Variants in ARHGAP29 observed in about 807,000 individuals in gnomAD.
ARHGAP29 encodes the protein Rho GTPase activating protein 29.
In ARHGAP29, 43 loss-of-function variants were observed where a neutral mutation model predicts 122.6. The ratio of observed to expected loss-of-function variants is 0.35; its 90% CI spans 0.27 to 0.45. ARHGAP29 has a LOEUF of 0.45. ARHGAP29 is among the 20% of genes least tolerant of loss of function. The probability of loss-of-function intolerance (pLI) is 1.00; values close to 1 mark genes in which losing one functional copy is unlikely to be tolerated. For synonymous variants in ARHGAP29, 506 were observed against 497.1 expected (o/e 1.02, Z -0.24); for missense variants, 1,303 against 1,477.2 (o/e 0.88, Z 1.93).
At chr1:94,266,460 T>G (rs897069070) in intron 1 of ARHGAP29, among the ~76,000 whole-genome samples, 9 of 152,174 alleles carry the variant, frequency 5.9e-5, no homozygotes, top group African/African-American at 1.9e-4. Context: ...AGGGACTAAT[T>G]TTTTCTGAAT....
intron 3 of ARHGAP29, among the ~76,000 whole-genome samples, chr1:94,219,919 T>A (rs1411697): frequency 0.98 from 148,669 of 152,226 alleles, 72,718 homozygotes; most frequent in Middle Eastern, 1. Context: ...ACTCTCCAAT[T>A]TCAATTTGTC....
chr1:94,235,684 ATC>A (rs776018931), intron 1 of ARHGAP29, among the ~76,000 whole-genome samples: 57 of 152,348 alleles, frequency 3.7e-4, no homozygotes, highest in South Asian at 1.0e-3. Context: ...ATTCTGGTGC[ATC>A]TCTTTCAACT....
chr1:94,192,660 C>G (rs1038206529), intron 12 of ARHGAP29: 1 of 152,086 alleles, frequency 6.6e-6, no homozygotes, highest in African/African-American at 2.4e-5. Context: ...GTGAGAGGGT[C>G]TGAAATTTCT....
At chr1:94,224,951 T>C (rs566531280) in intron 2 of ARHGAP29, among the ~76,000 whole-genome samples, 1 of 152,284 alleles carries the variant, frequency 6.6e-6, no homozygotes, top group Middle Eastern at 3.4e-3. Flanking sequence ...AGAATTCCAA[T>C]TCCTGAAATT....
chr1:94,187,594 T>C (rs1362417565), intron 15 of ARHGAP29, among the ~76,000 whole-genome samples: 3 of 152,224 alleles, frequency 2.0e-5, no homozygotes, highest in Non-Finnish European at 2.9e-5. Context: ...TTCCAGTATT[T>C]GAAGACAGCT....
At chr1:94,204,492 G>A (rs770721202) in intron 7 of ARHGAP29, among the ~76,000 whole-genome samples, 39 of 151,842 alleles carry the variant, frequency 2.6e-4, no homozygotes, top group African/African-American at 9.5e-4. Flanking sequence ...AAAGAGCATA[G>A]GCTTTGGGTA....
chr1:94,235,333 A>G (rs1184741765), intron 1 of ARHGAP29, among the ~76,000 whole-genome samples: 1 of 152,220 alleles, frequency 6.6e-6, no homozygotes, highest in African/African-American at 2.4e-5. Flanking sequence ...GCGAAAATGA[A>G]TATTCTCTTG....
the ARHGAP29 span, chr1:94,303,071 G>A: frequency 6.3e-6 from 1 of 158,708 alleles, no homozygotes; most frequent in Non-Finnish European, 1.4e-5. Flanking sequence ...GAGGAAGAGA[G>A]AAGCCTTTAG....
At chr1:94,182,381 T>C (rs1649530076) in intron 19 of ARHGAP29, among the ~76,000 whole-genome samples, 1 of 151,046 alleles carries the variant, frequency 6.6e-6, no homozygotes, top group Admixed American at 6.6e-5. Flanking sequence ...ACAGAGAAAA[T>C]AAAGGGGAGG....
chr1:94,191,379 C>T (rs1557848619), intron 12 of ARHGAP29: 1 of 152,048 alleles, frequency 6.6e-6, no homozygotes, highest in Non-Finnish European at 1.5e-5. Context: ...CTTGATATAC[C>T]AGATGATAGG....
intron 12 of ARHGAP29, chr1:94,193,846 CAAG>C (rs1423079537): frequency 6.6e-6 from 1 of 152,106 alleles, no homozygotes; most frequent in Non-Finnish European, 1.5e-5. Flanking sequence ...CACTAGAATG[CAAG>C]AAGAATGAAT....
intron 1 of ARHGAP29, among the ~76,000 whole-genome samples, chr1:94,244,687 A>G (rs1409420919): frequency 6.6e-6 from 1 of 152,136 alleles, no homozygotes; most frequent in African/African-American, 2.4e-5. Context: ...ACTACATCTA[A>G]TAAATGAATA....
chr1:94,231,551 A>G lies in ARHGAP29; in HGVS notation c.61T>C (p.Ser21Pro). The G allele has an allele frequency of 6.2e-7, 1 of 1,613,794 alleles. No individual in the cohort carries two copies. The highest frequency in any genetic ancestry group is 8.5e-7 in the Non-Finnish European group (1 of 1,179,752). The part of the protein sequence containing the change: ...KKRAWASGQL[S>P]TDITTSEMGL... ...ATTTCAGAAGTTGTAATATCAGTAGAGAGTTGACCTGATGCCCAAGCACGT... is the reference window on the plus strand; with the variant it reads ...ATTTCAGAAGTTGTAATATCAGTAGGGAGTTGACCTGATGCCCAAGCACGT... Residue 21 changes from serine (S) to proline (P), a missense_variant, in exon 2 of 23, where the codon TCT becomes CCT. Coordinates refer to ENST00000260526, the MANE Select transcript of ARHGAP29 (RefSeq NM_004815.4).
chr1:94,288,457 C>T, the ARHGAP29 span, among the ~76,000 whole-genome samples: 1 of 152,292 alleles, frequency 6.6e-6, no homozygotes, highest in East Asian at 1.9e-4. Flanking sequence ...TGCCTGTCCA[C>T]TCTGATGATA....
At chr1:94,278,070 C>T (rs1655246604), upstream of ARHGAP29, among the ~76,000 whole-genome samples, 5 of 152,300 alleles carry the variant, frequency 3.3e-5, no homozygotes, top group South Asian at 1.0e-3. Flanking sequence ...AATTCCAGAG[C>T]TTTGGGAGGC....
chr1:94,242,310 A>G (rs1570595500), upstream of ARHGAP29, among the ~76,000 whole-genome samples: 1 of 152,158 alleles, frequency 6.6e-6, no homozygotes, highest in African/African-American at 2.4e-5. Flanking sequence ...AGCTTTAGTG[A>G]AAACTATACT....
intron 1 of ARHGAP29, among the ~76,000 whole-genome samples, chr1:94,256,713 C>T (rs1282691289): frequency 6.6e-6 from 1 of 151,474 alleles, no homozygotes; most frequent in Non-Finnish European, 1.5e-5. Context: ...CGCCCACTAC[C>T]ACGCCCGGCT....
chr1:94,251,264 G>A (rs1654074277), intron 1 of ARHGAP29, among the ~76,000 whole-genome samples: 3 of 150,376 alleles, frequency 2.0e-5, no homozygotes, highest in East Asian at 3.9e-4. Context: ...TCCACCTCCC[G>A]GGTTCACGCC....
rs767680872 is a variant in ARHGAP29 at position 94,231,555 on chromosome 1, T to C, written c.57A>G (p.Gln19=). 3.1e-6 allele frequency: 5 copies of C among 1,613,644 alleles called. No homozygotes were observed. Among genetic ancestry groups the C allele is most frequent in the South Asian group, 1.1e-5 (1 of 91,046 alleles). The change falls in exon 2 of 23, where the codon CAA becomes CAG. Residue 19 remains glutamine (Q), a synonymous_variant. Coordinates refer to ENST00000260526, the MANE Select transcript of ARHGAP29 (RefSeq NM_004815.4). ...TKKKRAWASG[Q]LSTDITTSEM... ...CAGAAGTTGTAATATCAGTAGAGAG[T>C]TGACCTGATGCCCAAGCACGTTTTT... is the stretch of plus-strand genomic sequence containing the variant.
Sources: allele counts gnomAD v4.1 joint callset (sites outside exome capture counted in the v4.1 genomes callset), GRCh38; gene constraint gnomAD v4.1.1; transcripts MANE v1.5; gene names NCBI Gene and HGNC (gene_info 2026-07-23, HGNC 2026-07-21).